The following IMMP1L variants were observed in gnomAD, a reference collection of about 807,000 sequenced individuals.
IMMP1L encodes the protein inner mitochondrial membrane peptidase subunit 1, also known as mitochondrial inner membrane protease subunit 1.
A neutral mutation model predicts 21.8 loss-of-function variants in IMMP1L; 24 were observed. That is an observed-to-expected ratio of 1.10 (90% CI 0.80 to 1.55). The LOEUF (loss-of-function observed/expected upper bound fraction) is 1.55, where lower values mean the gene tolerates loss of function less well. Among genes scored for constraint, IMMP1L ranks in the 40% most tolerant of loss-of-function variants. The pLI, the probability that IMMP1L is intolerant of heterozygous loss-of-function variation, is 0.00. For missense variants in IMMP1L, 195 were observed against 200.7 expected (o/e 0.97, Z 0.17); for synonymous variants, 46 against 62.8 (o/e 0.73, Z 1.26).
In IMMP1L at chr11:31,456,384, C is replaced by A; in HGVS notation, c.197G>T (p.Gly66Val). 1.2e-6 allele frequency: 2 copies of A among 1,608,998 alleles called. No homozygotes were observed. The highest frequency in any genetic ancestry group is 1.7e-4 in the Middle Eastern group (1 of 6,046). The change falls in exon 4 of 6, where the codon GGT becomes GTT. Residue 66 changes from glycine (G) to valine (V), a missense_variant and splice_region_variant. Coordinates refer to ENST00000532287, the MANE Select transcript of IMMP1L (RefSeq NM_001304274.2). ...TGGGCTTTTTGCAATCACAATGTCA[C>A]CTCTGAGGGGGAAAAGTCAAAGAAA... ...LSRHFYGIQR[G>V]DIVIAKSPSD...
intron 1 of IMMP1L, among the ~76,000 whole-genome samples, chr11:31,484,458 T>A (rs1368423715): frequency 6.6e-6 from 1 of 151,990 alleles, no homozygotes; most frequent in Non-Finnish European, 1.5e-5. Context: ...ATCCACTTTT[T>A]TTAACAGCTG....
At chr11:31,497,490 T>C (rs1286977769) in intron 1 of IMMP1L, among the ~76,000 whole-genome samples, 1 of 141,220 alleles carries the variant, frequency 7.1e-6, no homozygotes, top group African/African-American at 2.7e-5. Flanking sequence ...GAGATGGGAG[T>C]CTCGCTCTGT....
intron 4 of IMMP1L, among the ~76,000 whole-genome samples, chr11:31,435,240 A>G (rs532426295): frequency 6.6e-6 from 1 of 152,342 alleles, no homozygotes; most frequent in Non-Finnish European, 1.5e-5. Flanking sequence ...CCATTGAACC[A>G]GGATCAGTGG....
chr11:31,461,671 T>C (rs770499717), intron 2 of IMMP1L, among the ~76,000 whole-genome samples: 4 of 152,182 alleles, frequency 2.6e-5, no homozygotes, highest in Non-Finnish European at 5.9e-5. Flanking sequence ...CTTCAGGCTA[T>C]GCATATAAGG....
intron 1 of IMMP1L, among the ~76,000 whole-genome samples, chr11:31,482,188 G>C (rs1281141099): frequency 1.3e-5 from 2 of 151,998 alleles, no homozygotes; most frequent in African/African-American, 2.4e-5. Flanking sequence ...TACAAACTGA[G>C]TCCAAAAGCA....
intron 1 of IMMP1L, among the ~76,000 whole-genome samples, chr11:31,504,903 G>A (rs1302690618): frequency 6.6e-6 from 1 of 152,148 alleles, no homozygotes; most frequent in African/African-American, 2.4e-5. Flanking sequence ...TACAACTCAG[G>A]ACTATAGTTT....
At chr11:31,462,142 C>G (rs1185403714) in intron 2 of IMMP1L, among the ~76,000 whole-genome samples, 1 of 151,864 alleles carries the variant, frequency 6.6e-6, no homozygotes, top group Non-Finnish European at 1.5e-5. Context: ...TGGTGAAACG[C>G]CATCTCTACT....
chr11:31,470,696 T>C (rs961065625), intron 1 of IMMP1L, among the ~76,000 whole-genome samples: 5 of 152,218 alleles, frequency 3.3e-5, no homozygotes, highest in African/African-American at 1.2e-4. Flanking sequence ...GCAGCACTAT[T>C]CAGAATAGGC....
At chr11:31,462,086 AG>A (rs1954160870) in intron 2 of IMMP1L, among the ~76,000 whole-genome samples, 1 of 152,094 alleles carries the variant, frequency 6.6e-6, no homozygotes, top group African/African-American at 2.4e-5. Flanking sequence ...ATGCCAAGGT[AG>A]GCAGATCACC....
chr11:31,483,749 T>A (rs796734903), intron 1 of IMMP1L, among the ~76,000 whole-genome samples: 1 of 152,008 alleles, frequency 6.6e-6, no homozygotes, highest in Admixed American at 6.6e-5. Context: ...TAATCATGAA[T>A]GTGTATTACT....
intron 4 of IMMP1L, among the ~76,000 whole-genome samples, chr11:31,451,534 G>A (rs1953757619): frequency 2.0e-5 from 3 of 152,136 alleles, no homozygotes; most frequent in Admixed American, 6.6e-5. Context: ...TCTAAGGTTT[G>A]TGGCCTGAAC....
intron 1 of IMMP1L, among the ~76,000 whole-genome samples, chr11:31,464,479 G>T (rs1427748162): frequency 6.6e-6 from 1 of 151,988 alleles, no homozygotes; most frequent in Non-Finnish European, 1.5e-5. Flanking sequence ...CAAACCAGAT[G>T]CAGGAAAAGA....
chr11:31,495,414 C>T (rs1955399170), intron 1 of IMMP1L, among the ~76,000 whole-genome samples: 1 of 152,120 alleles, frequency 6.6e-6, no homozygotes, highest in Non-Finnish European at 1.5e-5. Context: ...TCCCTCAGTA[C>T]CAATTTACTG....
intron 4 of IMMP1L, chr11:31,452,627 C>A: frequency 1.0e-6 from 1 of 985,956 alleles, no homozygotes; most frequent in Non-Finnish European, 1.2e-6. Context: ...CAATTTGTTT[C>A]TTTTGAGAGT....
At chr11:31,442,734 A>G (rs536071036) in intron 4 of IMMP1L, among the ~76,000 whole-genome samples, 10 of 152,302 alleles carry the variant, frequency 6.6e-5, no homozygotes, top group Middle Eastern at 3.4e-3. Context: ...CAAGGTGAGG[A>G]ACAAAGTTTT....
At chr11:31,463,397 T>G in intron 1 of IMMP1L, 92 bp from the exon 2 acceptor site, 2 of 1,174,682 alleles carry the variant, frequency 1.7e-6, no homozygotes, top group South Asian at 2.4e-5. Context: ...TCACCCAAAA[T>G]GTACTAAGTG....
At chr11:31,478,226 C>G (rs576752939) in intron 1 of IMMP1L, among the ~76,000 whole-genome samples, 1 of 152,214 alleles carries the variant, frequency 6.6e-6, no homozygotes, top group East Asian at 1.9e-4. Flanking sequence ...GCAGTGCAGA[C>G]GAAAAAGAGC....
chr11:31,495,641 A>C (rs1955406557), intron 1 of IMMP1L, among the ~76,000 whole-genome samples: 1 of 152,232 alleles, frequency 6.6e-6, no homozygotes, highest in African/African-American at 2.4e-5. Context: ...AGTTATAGTA[A>C]GCAAAAACGT....
At chr11:31,449,102 C>T (rs1160455532) in intron 4 of IMMP1L, 1 of 985,028 alleles carries the variant, frequency 1.0e-6, no homozygotes, top group Admixed American at 6.2e-5. Flanking sequence ...CTGCAAAAAA[C>T]AAGTCGCTTG....
Sources: allele counts gnomAD v4.1 joint callset (sites outside exome capture counted in the v4.1 genomes callset), GRCh38; gene constraint gnomAD v4.1.1; transcripts MANE v1.5; gene names NCBI Gene and HGNC (gene_info 2026-07-23, HGNC 2026-07-21).